The following HLCS variants were observed in gnomAD, a reference collection of about 807,000 sequenced individuals.
The protein encoded by HLCS is holocarboxylase synthetase, also known as biotin--protein ligase.
A neutral mutation model predicts 75.0 loss-of-function variants in HLCS; 53 were observed. The observed-to-expected ratio is 0.71, with a 90% CI of 0.57 to 0.89. The LOEUF (loss-of-function observed/expected upper bound fraction) is 0.89. HLCS is among the 40% of genes least tolerant of loss of function. The pLI is 0.00. For missense variants in HLCS, 966 were observed against 1,074.0 expected (o/e 0.90, Z 1.41); for synonymous variants, 431 against 428.6 (o/e 1.01, Z -0.07).
intron 6 of HLCS, among the ~76,000 whole-genome samples, chr21:36,888,853 G>A (rs902492665): frequency 6.6e-6 from 1 of 151,818 alleles, no homozygotes; most frequent in African/African-American, 2.4e-5. Flanking sequence ...ACTAGATTAC[G>A]AGCTCTACAG....
intron 6 of HLCS, among the ~76,000 whole-genome samples, chr21:36,844,338 GA>G (rs1298305515): frequency 6.6e-6 from 1 of 152,056 alleles, no homozygotes; most frequent in Non-Finnish European, 1.5e-5. Flanking sequence ...ATAATAGGGG[GA>G]AACGGAGGGG....
At position 36,750,733 on chromosome 21, in the gene HLCS, G is replaced by T. The variant is rs1220731995; in HGVS notation, c.*3513C>A. On this transcript the variant is annotated 3_prime_UTR_variant, in exon 11 of 11. Coordinates refer to ENST00000674895, the MANE Select transcript of HLCS (RefSeq NM_001352514.2). ...TAGCTTGGAATTTTAGTGAATCATG[G>T]CCCTTGTGTTATCTAGAATGCTAAT... is the stretch of plus-strand genomic sequence containing the variant. Among the ~76,000 whole-genome samples the T allele has an allele frequency of 6.6e-6, 1 of 150,772 alleles. No individual in the cohort carries two copies. Among genetic ancestry groups the T allele is most frequent in the Non-Finnish European group, 1.5e-5 (1 of 67,846 alleles).
chr21:36,781,259 C>CA (rs34115036), intron 6 of HLCS, among the ~76,000 whole-genome samples: 12,818 of 113,846 alleles, frequency 0.11, 743 homozygotes, highest in Non-Finnish European at 0.16. Context: ...AACTCTGTCT[C>CA]AAAAAAAAAA....
chr21:36,881,878 C>A (rs115462922), intron 6 of HLCS, among the ~76,000 whole-genome samples: 2,354 of 152,260 alleles, frequency 0.015, 61 homozygotes, highest in African/African-American at 0.053. Context: ...GTGGCACGTG[C>A]CTTAATCCCA....
At chr21:36,945,447 C>G (rs2067344252) in intron 2 of HLCS, among the ~76,000 whole-genome samples, 1 of 152,084 alleles carries the variant, frequency 6.6e-6, no homozygotes, top group Admixed American at 6.6e-5. Context: ...ATGTATATAG[C>G]TATACAGAGG....
Position 36,778,215 on chromosome 21 carries a change from C to T in HLCS, c.1893-10930G>A, listed in dbSNP as rs1427560164. Among the ~76,000 whole-genome samples, 6 of 152,232 alleles carry T rather than the reference C, an allele frequency of 3.9e-5. No individual in the cohort carries two copies. The South Asian group carries it at 6.2e-4, about 16-fold the overall frequency. ...TGATCTCCTGCCCTTGTGATCCGCC[C>T]ACCTCTGCCTCCCAAAGTGCTGGGA... On this transcript the variant is annotated intron_variant, in intron 6 of 10. Transcript: ENST00000674895.
intron 6 of HLCS, among the ~76,000 whole-genome samples, chr21:36,891,143 G>A (rs540954755): frequency 3.8e-4 from 58 of 152,300 alleles, no homozygotes; most frequent in South Asian, 1.2e-3. Context: ...TGCAACTTCT[G>A]TCCCTTGAAG....
At chr21:36,769,469 G>A (rs1284785915) in intron 6 of HLCS, among the ~76,000 whole-genome samples, 1 of 152,176 alleles carries the variant, frequency 6.6e-6, no homozygotes, top group South Asian at 2.1e-4. Context: ...CATCCTTAGC[G>A]GATGATGTCC....
chr21:36,778,003 C>G (rs943270258), intron 6 of HLCS, among the ~76,000 whole-genome samples: 6 of 152,160 alleles, frequency 3.9e-5, no homozygotes, highest in African/African-American at 1.2e-4. Context: ...CAGTCTCGCT[C>G]TGTCGCCCAG....
chr21:36,757,050 T>C (rs1568962400), intron 9 of HLCS: 1 of 667,056 alleles, frequency 1.5e-6, no homozygotes, highest in Non-Finnish European at 1.9e-6. Flanking sequence ...AGCTATTAAA[T>C]ATGGGACAAA....
chr21:36,872,519 A>C (rs11088367), intron 6 of HLCS, among the ~76,000 whole-genome samples: 73,369 of 152,026 alleles, frequency 0.48, 19,782 homozygotes, highest in African/African-American at 0.73. Flanking sequence ...ACCACCGCCA[A>C]TCCCAGAAAC....
At chr21:36,882,014 G>C (rs1210117097) in intron 6 of HLCS, among the ~76,000 whole-genome samples, 1 of 151,860 alleles carries the variant, frequency 6.6e-6, no homozygotes, top group East Asian at 1.9e-4. Context: ...CGGGCATGGT[G>C]GCTCACGCCT....
intron 8 of HLCS, among the ~76,000 whole-genome samples, chr21:36,762,522 C>T (rs758984279): frequency 1.4e-4 from 22 of 152,150 alleles, no homozygotes; most frequent in Non-Finnish European, 2.4e-4. Flanking sequence ...TGTGTGCTGA[C>T]GGTGACATCT....
chr21:36,759,921 A>C (rs944234488), intron 8 of HLCS, 80 bp from the exon 9 acceptor site: 5 of 882,218 alleles, frequency 5.7e-6, no homozygotes, highest in Admixed American at 5.1e-5. Context: ...AGGGAAGATA[A>C]GCAGAAACCA....
chr21:36,934,525 G>C (rs1418121996), intron 4 of HLCS, among the ~76,000 whole-genome samples: 1 of 152,202 alleles, frequency 6.6e-6, no homozygotes, highest in Non-Finnish European at 1.5e-5. Context: ...CCATTTGACA[G>C]TCAAATGTCA....
intron 6 of HLCS, among the ~76,000 whole-genome samples, chr21:36,864,223 A>G (rs1173415706): frequency 6.6e-6 from 1 of 151,938 alleles, no homozygotes; most frequent in East Asian, 1.9e-4. Context: ...AACATGGTGA[A>G]ACCTTGTCTC....
At chr21:36,931,283 C>CAAAA (rs57829948) in intron 4 of HLCS, among the ~76,000 whole-genome samples, 10 of 75,438 alleles carry the variant, frequency 1.3e-4, no homozygotes, top group East Asian at 3.8e-4. Flanking sequence ...AACTCCATCG[C>CAAAA]AAAAAAAAAA....
chr21:36,910,039 C>T (rs984590545), intron 5 of HLCS, among the ~76,000 whole-genome samples: 62 of 152,278 alleles, frequency 4.1e-4, no homozygotes, highest in African/African-American at 1.3e-3. Flanking sequence ...AGACATGGTA[C>T]GCAATCTCCT....
At chr21:36,835,827 G>C (rs1374324705) in intron 6 of HLCS, among the ~76,000 whole-genome samples, 3 of 152,114 alleles carry the variant, frequency 2.0e-5, no homozygotes, top group East Asian at 1.9e-4. Flanking sequence ...TTAGACATGA[G>C]AACATTCCTT....
Sources: gnomAD v4.1 joint callset for allele counts (sites outside exome capture counted in the v4.1 genomes callset) on GRCh38, gnomAD v4.1.1 for gene constraint, MANE v1.5 for transcripts, NCBI Gene and HGNC (gene_info 2026-07-23, HGNC 2026-07-21) for gene names.